Variants in NFATC3 observed in about 807,000 individuals in gnomAD.
NFATC3 encodes the protein nuclear factor of activated T-cells, cytoplasmic 3.
In NFATC3, 46 loss-of-function variants were observed where a neutral mutation model predicts 98.6. That is an observed-to-expected ratio of 0.47 (90% confidence interval 0.37 to 0.60). The LOEUF (loss-of-function observed/expected upper bound fraction) is 0.60. NFATC3 is among the 20% of genes least tolerant of loss of function. NFATC3 has a pLI of 0.00. For missense variants in NFATC3, 1,256 were observed against 1,295.5 expected (o/e 0.97, Z 0.47); for synonymous variants, 512 against 472.2 (o/e 1.08, Z -1.09).
At chr16:68,154,245 A>G (rs942448466) in intron 3 of NFATC3, among the ~76,000 whole-genome samples, 2 of 152,136 alleles carry the variant, frequency 1.3e-5, no homozygotes, top group African/African-American at 2.4e-5. Flanking sequence ...TAGTGATACC[A>G]TCATTCTCCT....
At chr16:68,216,203 T>C (rs1457949157) in intron 9 of NFATC3, among the ~76,000 whole-genome samples, 3 of 152,040 alleles carry the variant, frequency 2.0e-5, no homozygotes, top group Non-Finnish European at 4.4e-5. Context: ...AGAGATAGAT[T>C]TGGGAGTCAA....
intron 3 of NFATC3, among the ~76,000 whole-genome samples, chr16:68,155,533 C>CTT (rs1430886829): frequency 6.6e-6 from 1 of 152,142 alleles, no homozygotes; most frequent in East Asian, 1.9e-4. Flanking sequence ...AGAGGAAGGT[C>CTT]TTCCAACAGT....
chr16:68,185,605 G>A (rs2040158044), intron 8 of NFATC3, among the ~76,000 whole-genome samples: 1 of 151,962 alleles, frequency 6.6e-6, no homozygotes, highest in Non-Finnish European at 1.5e-5. Flanking sequence ...GCCGGGCGCG[G>A]TGGCTCACAC....
At chr16:68,210,928 C>T (rs1440497046) in intron 9 of NFATC3, among the ~76,000 whole-genome samples, 16 of 151,940 alleles carry the variant, frequency 1.1e-4, no homozygotes, top group African/African-American at 3.6e-4. Flanking sequence ...ACTACAAGTG[C>T]GCACCACCAT....
At chr16:68,150,411 C>T (rs886090034) in intron 3 of NFATC3, among the ~76,000 whole-genome samples, 1 of 107,784 alleles carries the variant, frequency 9.3e-6, no homozygotes, top group Non-Finnish European at 1.8e-5. Context: ...ACTTCTATAT[C>T]TAAAAAAAAA....
Position 68,191,310 on chromosome 16 carries a change from T to A in NFATC3, c.2641T>A (p.Ser881Thr). The change falls in exon 9 of 10, where the codon TCA becomes ACA. Residue 881 changes from serine to threonine, a missense_variant. Ser to Thr is a moderately conservative substitution (Grantham distance 58). Coordinates refer to ENST00000346183, the MANE Select transcript of NFATC3 (RefSeq NM_173165.3). ...TGTGCATACCCTGCCTCATCTGCAATCAATGGGATATCATTGTTCAAATAC... is the reference window on the plus strand; with the variant it reads ...TGTGCATACCCTGCCTCATCTGCAAACAATGGGATATCATTGTTCAAATAC... ...HSVHTLPHLQSMGYHCSNTGQ... is the reference protein window; with the variant it reads ...HSVHTLPHLQTMGYHCSNTGQ... The A allele has an allele frequency of 6.2e-7, 1 of 1,614,238 alleles. No homozygotes were observed. Among genetic ancestry groups the A allele is most frequent in the Non-Finnish European group, 8.5e-7 (1 of 1,180,034 alleles).
intron 3 of NFATC3, among the ~76,000 whole-genome samples, chr16:68,157,179 G>GCACAAA (rs1478481981): frequency 6.6e-6 from 1 of 151,494 alleles, no homozygotes; most frequent in Non-Finnish European, 1.5e-5. Context: ...GAAAACAAAG[G>GCACAAA]CACAAACACA....
intron 9 of NFATC3, among the ~76,000 whole-genome samples, chr16:68,222,287 G>GC (rs562233199): frequency 0.012 from 342 of 29,458 alleles, 16 homozygotes; most frequent in African/African-American, 0.036. Flanking sequence ...AGACCCCATT[G>GC]CCAAAAAAAA....
intron 3 of NFATC3, among the ~76,000 whole-genome samples, chr16:68,153,426 AAAAG>A (rs2038445648): frequency 6.6e-6 from 1 of 152,142 alleles, no homozygotes; most frequent in African/African-American, 2.4e-5. Context: ...CATCCCCCAA[AAAAG>A]AAAAAGTTAG....
At chr16:68,204,014 C>A (rs1475891117) in intron 9 of NFATC3, among the ~76,000 whole-genome samples, 1 of 152,072 alleles carries the variant, frequency 6.6e-6, no homozygotes, top group Non-Finnish European at 1.5e-5. Flanking sequence ...ATGGTGAAAC[C>A]CCGTCTCTAC....
intron 6 of NFATC3, among the ~76,000 whole-genome samples, chr16:68,180,541 T>C (rs2039909263): frequency 1.3e-5 from 2 of 152,192 alleles, no homozygotes; most frequent in African/African-American, 2.4e-5. Context: ...AGGGTACATA[T>C]GCACAACTTG....
chr16:68,105,325 A>G (rs1453757494), intron 1 of NFATC3, among the ~76,000 whole-genome samples: 1 of 151,990 alleles, frequency 6.6e-6, no homozygotes, highest in Non-Finnish European at 1.5e-5. Context: ...TCCTGACCTC[A>G]AGTGATCCAC....
chr16:68,141,123 T>A (rs910608139), intron 3 of NFATC3, among the ~76,000 whole-genome samples: 3 of 152,230 alleles, frequency 2.0e-5, no homozygotes, highest in Admixed American at 1.3e-4. Context: ...TCCAAGTTGC[T>A]GCAAAAGACA....
chr16:68,178,964 G>A (rs955898238), intron 6 of NFATC3, among the ~76,000 whole-genome samples: 2 of 152,102 alleles, frequency 1.3e-5, no homozygotes, highest in Non-Finnish European at 2.9e-5. Flanking sequence ...ATGGCATTCA[G>A]GCCATAATCT....
intron 1 of NFATC3, among the ~76,000 whole-genome samples, chr16:68,112,351 T>A (rs2035998017): frequency 6.8e-6 from 1 of 146,692 alleles, no homozygotes; most frequent in Non-Finnish European, 1.5e-5. Context: ...GATCTTGGCT[T>A]ACTGCAACCT....
intron 1 of NFATC3, among the ~76,000 whole-genome samples, chr16:68,098,358 G>A (rs1311259699): frequency 7.1e-6 from 1 of 140,432 alleles, no homozygotes; most frequent in Non-Finnish European, 1.5e-5. Flanking sequence ...GGAGTGCTGT[G>A]ATGCATATCT....
At chr16:68,157,761 G>T in intron 3 of NFATC3, 108 bp from the exon 4 acceptor site, 1 of 767,532 alleles carries the variant, frequency 1.3e-6, no homozygotes, top group Non-Finnish European at 1.9e-6. Context: ...ATAACATTTT[G>T]TGTGTCAATA....
chr16:68,129,356 T>C (rs776290232), intron 3 of NFATC3, among the ~76,000 whole-genome samples: 32 of 152,218 alleles, frequency 2.1e-4, no homozygotes, highest in Non-Finnish European at 3.7e-4. Context: ...AAATGACTTT[T>C]TGTTTTCTAA....
chr16:68,183,486 C>T (rs562377792), intron 8 of NFATC3, 120 bp downstream of exon 8: 1 of 1,011,876 alleles, frequency 9.9e-7, no homozygotes, highest in Non-Finnish European at 1.4e-6. Flanking sequence ...AAAACACCAA[C>T]AGATGCCCAC....
Sources: allele counts gnomAD v4.1 joint callset (sites outside exome capture counted in the v4.1 genomes callset), GRCh38; gene constraint gnomAD v4.1.1; transcripts MANE v1.5; gene names NCBI Gene and HGNC (gene_info 2026-07-23, HGNC 2026-07-21).